The following CEMIP2 variants were observed in gnomAD, a reference collection of about 807,000 sequenced individuals.
The protein encoded by CEMIP2 is cell migration inducing hyaluronidase 2, also known as cell surface hyaluronidase CEMIP2.
A neutral mutation model predicts 146.9 loss-of-function variants in CEMIP2; 79 were observed. The observed-to-expected ratio is 0.54, with a 90% confidence interval of 0.45 to 0.65. The LOEUF (loss-of-function observed/expected upper bound fraction) is 0.65, where lower values mean the gene tolerates loss of function less well. Ranked by LOEUF, CEMIP2 falls within the 30% of genes least tolerant of loss-of-function variation. The pLI is 0.00. For missense variants in CEMIP2, 1,596 were observed against 1,696.2 expected (o/e 0.94, Z 1.04); for synonymous variants, 601 against 606.3 (o/e 0.99, Z 0.13).
intron 21 of CEMIP2, among the ~76,000 whole-genome samples, chr9:71,691,642 C>G (rs1236075225): frequency 6.6e-6 from 1 of 152,036 alleles, no homozygotes; most frequent in Non-Finnish European, 1.5e-5. Flanking sequence ...ATCCCCAAAG[C>G]CTGTTGCTTA....
At chr9:71,742,305 C>A (rs578134378) in intron 4 of CEMIP2, among the ~76,000 whole-genome samples, 2 of 152,310 alleles carry the variant, frequency 1.3e-5, no homozygotes, top group African/African-American at 2.4e-5. Flanking sequence ...AATATATTAT[C>A]TCCTATTTGG....
rs1395490823 is a variant in CEMIP2 at position 71,735,480 on chromosome 9, T to C, written c.1205-486A>G. Among the ~76,000 whole-genome samples, 5 of 152,180 alleles carry C rather than the reference T, an allele frequency of 3.3e-5. No homozygotes were observed. The East Asian group carries it at 7.7e-4, about 24-fold the overall frequency. The stretch of plus-strand genomic sequence containing the variant: ...ATAGAACATTAGCACACTAACAATC[T>C]TAATATTAAGAATAAGAATTTGTGG... On this transcript the variant is annotated intron_variant, in intron 5 of 23. Transcript: ENST00000377044.
intron 15 of CEMIP2, among the ~76,000 whole-genome samples, chr9:71,713,710 A>C (rs1822971683): frequency 6.6e-6 from 1 of 152,198 alleles, no homozygotes; most frequent in African/African-American, 2.4e-5. Context: ...TAGAAACAGC[A>C]GCAAGAGCCT....
chr9:71,757,094 C>G (rs2132035392), intron 1 of CEMIP2, among the ~76,000 whole-genome samples: 2 of 152,248 alleles, frequency 1.3e-5, no homozygotes, highest in Middle Eastern at 3.4e-3. Context: ...GACACTTGCC[C>G]CCTAGGCTAT....
In CEMIP2 at chr9:71,730,830, G is replaced by C; in HGVS notation, c.1648C>G (p.His550Asp). 6.2e-7 allele frequency: 1 copy of C among 1,614,120 alleles called. No homozygotes were observed. Among genetic ancestry groups the C allele is most frequent in the Non-Finnish European group, 8.5e-7 (1 of 1,180,014 alleles). ...GQQQMGRYPV[H>D]FHLCGDVDYK... ...TCCACGTCACCACACAGGTGAAAAT[G>C]AACAGGGTATCGCCCCATCTGCTGC... Residue 550 changes from histidine (H) to aspartate (D), a missense_variant, in exon 8 of 24, where the codon CAT becomes GAT. Physicochemically the swap from His to Asp is moderately conservative, Grantham distance 81 (BLOSUM62 -1). Coordinates refer to ENST00000377044, the MANE Select transcript of CEMIP2 (RefSeq NM_013390.3).
At chr9:71,744,916 G>A in intron 4 of CEMIP2, 102 bp downstream of exon 4, 1 of 1,294,950 alleles carries the variant, frequency 7.7e-7, no homozygotes, top group Non-Finnish European at 1.1e-6. Flanking sequence ...TGGCCCTTCT[G>A]ATGCCTGAGT....
intron 3 of CEMIP2, 136 bp from the exon 4 acceptor site, chr9:71,745,715 A>G: frequency 2.3e-6 from 2 of 873,440 alleles, no homozygotes; most frequent in South Asian, 3.8e-5. Flanking sequence ...TGCTTAGAAA[A>G]CTAAAGGGAA....
In CEMIP2 at chr9:71,729,887, A is replaced by G; in HGVS notation, c.2007T>C (p.His669=). Residue 669 remains histidine, a synonymous_variant, in exon 10 of 24, where the codon CAT becomes CAC. Coordinates refer to ENST00000377044, the MANE Select transcript of CEMIP2 (RefSeq NM_013390.3). The part of the protein sequence containing the change: ...CMAVSTFWIA[H]PNNNLINNAA... ...CATTATTAATCAGATTATTGTTGGG[A>G]TGAGCAATCCAGAAAGTTGAAACAG... 6.2e-7 allele frequency: 1 copy of G among 1,614,202 alleles called. No homozygotes were observed. Among genetic ancestry groups the G allele is most frequent in the Non-Finnish European group, 8.5e-7 (1 of 1,180,032 alleles).
rs1474175507 is a variant in CEMIP2, at chr9:71,695,049, C to T, written c.3598-442G>A. ...ACTAACTTTGAACATGAGCAGGTCT[C>T]AACTCCTCTTTGTGACCTGCAAGGC... On this transcript the variant is annotated intron_variant, in intron 20 of 23. Coordinates refer to ENST00000377044, the MANE Select transcript of CEMIP2 (RefSeq NM_013390.3). Among the ~76,000 whole-genome samples, 15 of 152,194 alleles carry T rather than the reference C, an allele frequency of 9.9e-5. 1 individual carries two copies. Among genetic ancestry groups the T allele is most frequent in the Admixed American group, 5.9e-4 (9 of 15,284 alleles).
At chr9:71,736,457 T>G (rs1823763353) in intron 5 of CEMIP2, among the ~76,000 whole-genome samples, 1 of 152,200 alleles carries the variant, frequency 6.6e-6, no homozygotes, top group Admixed American at 6.5e-5. Context: ...GTATGACCAG[T>G]ATGATCTGCA....
At chr9:71,726,801 G>T (rs1273078658) in intron 10 of CEMIP2, among the ~76,000 whole-genome samples, 1 of 152,118 alleles carries the variant, frequency 6.6e-6, no homozygotes, top group Non-Finnish European at 1.5e-5. Context: ...ACTCTTCTGG[G>T]CACAAAACAG....
chr9:71,767,367 A>C (rs1327913459), intron 1 of CEMIP2, among the ~76,000 whole-genome samples: 1 of 152,076 alleles, frequency 6.6e-6, no homozygotes, highest in Non-Finnish European at 1.5e-5. Flanking sequence ...GCAGCGCATC[A>C]CTCTGTCACA....
At chr9:71,760,073 A>C (rs1448692807) in intron 1 of CEMIP2, among the ~76,000 whole-genome samples, 3 of 151,994 alleles carry the variant, frequency 2.0e-5, no homozygotes, top group African/African-American at 7.2e-5. Flanking sequence ...TTTAAAGTTG[A>C]AAGATTTATT....
chr9:71,715,144 T>C, intron 14 of CEMIP2, 55 bp from the exon 15 acceptor site: 1 of 1,584,498 alleles, frequency 6.3e-7, no homozygotes, highest in Non-Finnish European at 8.6e-7. Context: ...TTAAATGTAT[T>C]CCCAAATGTA....
rs748402447 is a variant in CEMIP2, at chr9:71,746,189, A to G, written c.472+12T>C. The G allele has an allele frequency of 1.4e-5, 22 of 1,612,234 alleles. 1 individual carries two copies. The South Asian group carries it at 2.3e-4, about 17-fold the overall frequency. ...AACCTTGCAGTTCCCATAGGCAGGAACCATTACCTACCTCCATCCTGAATG... is the reference window on the plus strand; with the variant it reads ...AACCTTGCAGTTCCCATAGGCAGGAGCCATTACCTACCTCCATCCTGAATG... On this transcript the variant is annotated intron_variant, in intron 3 of 23. Coordinates refer to ENST00000377044, the MANE Select transcript of CEMIP2 (RefSeq NM_013390.3).
chr9:71,729,655 G>A (rs1283934853), intron 10 of CEMIP2, among the ~76,000 whole-genome samples, 190 bp downstream of exon 10: 3 of 151,670 alleles, frequency 2.0e-5, no homozygotes, highest in South Asian at 2.1e-4. Context: ...GATACTAACG[G>A]GCACAAAGAA....
chr9:71,735,434 G>T (rs778157033), intron 5 of CEMIP2, among the ~76,000 whole-genome samples: 84 of 152,110 alleles, frequency 5.5e-4, no homozygotes, highest in Non-Finnish European at 1.1e-3. Flanking sequence ...GCTTCAAGTT[G>T]ATCCAAGCAC....
intron 2 of CEMIP2, among the ~76,000 whole-genome samples, chr9:71,748,820 C>T (rs1824163226): frequency 6.6e-6 from 1 of 152,138 alleles, no homozygotes; most frequent in African/African-American, 2.4e-5. Context: ...TCTCCCAGAA[C>T]CTTAAAATTT....
At position 71,762,503 on chromosome 9, in the gene CEMIP2, C is replaced by CAAAAAAAAA. The variant is rs58090104; in HGVS notation, c.-13+5845_-13+5853dup. ...CAAGACCCCATGCCAGCCCCGTCAC[C>CAAAAAAAAA]AAAAAAAAAAAAAAAAAAAAAAACT... On this transcript the variant is annotated intron_variant, in intron 1 of 23. Coordinates refer to ENST00000377044, the MANE Select transcript of CEMIP2 (RefSeq NM_013390.3). 1.1e-3 allele frequency among the ~76,000 whole-genome samples: 87 copies of CAAAAAAAAA among 79,722 alleles called. 2 individuals carry two copies. The highest frequency in any genetic ancestry group is 3.2e-3 in the African/African-American group (62 of 19,344). The allele number at this position is 79,722 out of a possible 152,430, so 52.3% of individuals were successfully genotyped here.
Sources: allele counts gnomAD v4.1 joint callset (sites outside exome capture counted in the v4.1 genomes callset), GRCh38; gene constraint gnomAD v4.1.1; transcripts MANE v1.5; gene names NCBI Gene and HGNC (gene_info 2026-07-23, HGNC 2026-07-21).